Variants in CYP39A1 observed in about 807,000 individuals in gnomAD.
CYP39A1 encodes the protein 24-hydroxycholesterol 7-alpha-hydroxylase.
A neutral mutation model predicts 58.1 loss-of-function variants in CYP39A1; 49 were observed. The observed-to-expected ratio is 0.84, with a 90% CI of 0.67 to 1.07. CYP39A1 has a LOEUF of 1.07. CYP39A1 is among the 50% of genes least tolerant of loss of function. The pLI is 0.00. For synonymous variants in CYP39A1, 209 were observed against 187.6 expected (o/e 1.11, Z -0.93); for missense variants, 531 against 539.4 (o/e 0.98, Z 0.16).
At chr6:46,610,080 C>A (rs920328918) in intron 7 of CYP39A1, among the ~76,000 whole-genome samples, 1 of 152,104 alleles carries the variant, frequency 6.6e-6, no homozygotes, top group Non-Finnish European at 1.5e-5. Flanking sequence ...AATATTAATT[C>A]TTTCCAAATG....
At chr6:46,627,715 A>T (rs1263491925) in intron 6 of CYP39A1, among the ~76,000 whole-genome samples, 1 of 151,806 alleles carries the variant, frequency 6.6e-6, no homozygotes, top group Admixed American at 6.6e-5. Flanking sequence ...ACTTTTTTTT[A>T]ATGTCTCCTT....
chr6:46,616,738 T>C (rs184197534), intron 7 of CYP39A1, among the ~76,000 whole-genome samples: 120 of 152,130 alleles, frequency 7.9e-4, no homozygotes, highest in African/African-American at 2.8e-3. Context: ...TGGGTGTGGC[T>C]GGGGTAAAAT....
chr6:46,561,232 T>G (rs531553882), intron 10 of CYP39A1, among the ~76,000 whole-genome samples: 1 of 152,262 alleles, frequency 6.6e-6, no homozygotes, highest in South Asian at 2.1e-4. Flanking sequence ...CCTTGCTTTA[T>G]TCAAATAAAT....
intron 7 of CYP39A1, among the ~76,000 whole-genome samples, chr6:46,609,263 C>T (rs1239982021): frequency 1.4e-4 from 21 of 151,444 alleles, no homozygotes; most frequent in Admixed American, 1.3e-3. Flanking sequence ...ATTAGCCGGG[C>T]GTGGTGGCGG....
chr6:46,564,142 T>G (rs1284568023), intron 10 of CYP39A1, among the ~76,000 whole-genome samples: 1 of 94,426 alleles, frequency 1.1e-5, no homozygotes, highest in African/African-American at 6.7e-5. Context: ...TTTATTCTAT[T>G]CTATTTTATT....
chr6:46,603,010 AT>A (rs1307510933), intron 7 of CYP39A1, among the ~76,000 whole-genome samples: 1 of 151,784 alleles, frequency 6.6e-6, no homozygotes, highest in Non-Finnish European at 1.5e-5. Flanking sequence ...ACTGGCCAGG[AT>A]TTCATAAATG....
At chr6:46,581,766 C>G (rs766148099) in intron 10 of CYP39A1, among the ~76,000 whole-genome samples, 1 of 152,072 alleles carries the variant, frequency 6.6e-6, no homozygotes, top group Middle Eastern at 3.2e-3. Flanking sequence ...ACATGTACCC[C>G]CCTTGAACCC....
Position 46,573,404 on chromosome 6 carries a change from G to A in CYP39A1, c.1250+13673C>T, listed in dbSNP as rs564347488. ...TGTAATCAATATTTGACAGGACTGT[G>A]GGGGTCCTCAGTGGCCAAGGTTGTA... On this transcript the variant is annotated intron_variant, in intron 10 of 11. Coordinates refer to ENST00000275016, the MANE Select transcript of CYP39A1 (RefSeq NM_016593.5). Among the ~76,000 whole-genome samples, 7 of 152,162 alleles carry A rather than the reference G, an allele frequency of 4.6e-5. No homozygotes were observed. The South Asian group carries it at 1.2e-3, about 27-fold the overall frequency.
intron 10 of CYP39A1, among the ~76,000 whole-genome samples, chr6:46,562,629 T>C (rs1194049571): frequency 2.0e-5 from 3 of 151,280 alleles, no homozygotes; most frequent in Non-Finnish European, 4.4e-5. Context: ...AATAAACAAA[T>C]AAATAAATAA....
chr6:46,585,324 T>C (rs931238618), intron 10 of CYP39A1, among the ~76,000 whole-genome samples: 1 of 81,508 alleles, frequency 1.2e-5, no homozygotes, highest in African/African-American at 4.4e-5. Context: ...GCTATTGGTA[T>C]AGATAGATAG....
At chr6:46,598,415 C>T (rs916871272) in intron 7 of CYP39A1, among the ~76,000 whole-genome samples, 4 of 152,120 alleles carry the variant, frequency 2.6e-5, no homozygotes, top group Admixed American at 2.6e-4. Context: ...CATAAACTTT[C>T]GTGCACATGG....
chr6:46,612,565 T>C (rs1021962253), intron 7 of CYP39A1, among the ~76,000 whole-genome samples: 2 of 152,180 alleles, frequency 1.3e-5, no homozygotes, highest in Admixed American at 1.3e-4. Flanking sequence ...CTGGGTCCAT[T>C]CTTGGATTTT....
intron 8 of CYP39A1, among the ~76,000 whole-genome samples, chr6:46,589,330 G>A (rs1416446778): frequency 1.3e-5 from 2 of 152,058 alleles, no homozygotes; most frequent in Non-Finnish European, 2.9e-5. Flanking sequence ...TGGTGCACCT[G>A]TAGTCTCAGC....
Position 46,587,082 on chromosome 6 carries a change from A to G in CYP39A1, c.1245T>C (p.Pro415=), listed in dbSNP as rs1440523155. Residue 415 remains proline (P), a synonymous_variant, in exon 10 of 12, where the codon CCT becomes CCC. Transcript: ENST00000275016. ...MAFGSGKFQC[P]ARWFALLEVQ... The stretch of plus-strand genomic sequence containing the variant: ...GGCCCAGCTGTCTCACTGACCTTGC[A>G]GGACACTGGAACTTCCCGCTTCCAA... 6.2e-7 allele frequency: 1 copy of G among 1,610,058 alleles called. No homozygotes were observed. The highest frequency in any genetic ancestry group is 1.1e-5 in the South Asian group (1 of 90,314).
At chr6:46,557,505 C>T (rs1212437961) in intron 10 of CYP39A1, among the ~76,000 whole-genome samples, 3 of 151,466 alleles carry the variant, frequency 2.0e-5, no homozygotes, top group Non-Finnish European at 4.4e-5. Context: ...TAGCTGGGCA[C>T]GGTGGTGTGT....
At chr6:46,613,704 G>T (rs1438953684) in intron 7 of CYP39A1, among the ~76,000 whole-genome samples, 6 of 143,140 alleles carry the variant, frequency 4.2e-5, no homozygotes, top group Admixed American at 7.0e-5. Context: ...TTATTTGTTT[G>T]TTTTTTTTTT....
intron 7 of CYP39A1, among the ~76,000 whole-genome samples, chr6:46,599,006 A>G (rs1561978760): frequency 6.6e-6 from 1 of 152,200 alleles, no homozygotes; most frequent in African/African-American, 2.4e-5. Context: ...CATAGCTAAT[A>G]AAGTTATTCT....
At chr6:46,583,319 T>C in intron 10 of CYP39A1, 1 of 985,408 alleles carries the variant, frequency 1.0e-6, no homozygotes, top group Non-Finnish European at 1.2e-6. Flanking sequence ...CTTGCAGGAA[T>C]TAGAACCAAG....
intron 8 of CYP39A1, among the ~76,000 whole-genome samples, chr6:46,594,517 T>A (rs1439991376): frequency 6.6e-6 from 1 of 151,966 alleles, no homozygotes; most frequent in Non-Finnish European, 1.5e-5. Context: ...ACATTTACAG[T>A]CAATTGAATG....
Sources: allele counts gnomAD v4.1 joint callset (sites outside exome capture counted in the v4.1 genomes callset), GRCh38; gene constraint gnomAD v4.1.1; transcripts MANE v1.5; gene names NCBI Gene and HGNC (gene_info 2026-07-23, HGNC 2026-07-21).